The following ATP2B2 variants were observed in gnomAD, a reference collection of about 807,000 sequenced individuals.
ATP2B2 encodes plasma membrane calcium-transporting ATPase 2.
A neutral mutation model predicts 120.0 loss-of-function variants in ATP2B2; 15 were observed. That is an observed-to-expected ratio of 0.12 (90% CI 0.08 to 0.19). The LOEUF (loss-of-function observed/expected upper bound fraction) is 0.19, where lower values mean the gene tolerates loss of function less well. ATP2B2 is among the 10% of genes least tolerant of loss of function. The pLI is 1.00. For synonymous variants in ATP2B2, 694 were observed against 700.3 expected (o/e 0.99, Z 0.14); for missense variants, 1,045 against 1,719.8 (o/e 0.61, Z 6.94).
intron 10 of ATP2B2, among the ~76,000 whole-genome samples, chr3:10,377,467 G>A (rs971222538): frequency 3.3e-5 from 5 of 152,172 alleles, no homozygotes; most frequent in African/African-American, 4.8e-5. Context: ...ACAAAGGATC[G>A]AGCAGCCAGG....
chr3:10,569,331 C>T (rs2068074919), intron 2 of ATP2B2, among the ~76,000 whole-genome samples: 1 of 152,116 alleles, frequency 6.6e-6, no homozygotes, highest in Non-Finnish European at 1.5e-5. Flanking sequence ...AAGAATTAAC[C>T]CTATTTTGCA....
chr3:10,489,680 T>C (rs533331631), intron 1 of ATP2B2, among the ~76,000 whole-genome samples: 139 of 152,160 alleles, frequency 9.1e-4, no homozygotes, highest in Non-Finnish European at 1.7e-3. Context: ...CAAAGCCCTG[T>C]CAGCCCATCC....
intron 22 of ATP2B2, among the ~76,000 whole-genome samples, chr3:10,333,259 G>A (rs889072164): frequency 1.3e-5 from 2 of 152,186 alleles, no homozygotes; most frequent in Non-Finnish European, 2.9e-5. Flanking sequence ...AGGCACATGG[G>A]CAGCCTCCTC....
intron 1 of ATP2B2, among the ~76,000 whole-genome samples, chr3:10,497,628 C>T (rs2066206833): frequency 6.6e-6 from 1 of 152,188 alleles, no homozygotes. Context: ...GGGACTAAGG[C>T]ACAGAGAAAT....
chr3:10,626,853 G>A (rs1462596180), intron 1 of ATP2B2: 1 of 144,528 alleles, frequency 6.9e-6, no homozygotes, highest in Non-Finnish European at 1.5e-5. Flanking sequence ...TACCTTGATA[G>A]ACTGGTAGTG....
intron 1 of ATP2B2, among the ~76,000 whole-genome samples, chr3:10,667,595 G>C (rs1324404305): frequency 6.6e-6 from 1 of 152,216 alleles, no homozygotes; most frequent in Non-Finnish European, 1.5e-5. Flanking sequence ...CTTTCACAGG[G>C]ACCATTTCTG....
At chr3:10,522,066 G>A (rs2066994737) in intron 3 of ATP2B2, among the ~76,000 whole-genome samples, 1 of 152,140 alleles carries the variant, frequency 6.6e-6, no homozygotes, top group African/African-American at 2.4e-5. Context: ...AGACAAGGGG[G>A]ATTATGTGGG....
chr3:10,338,391 G>T, intron 21 of ATP2B2, 33 bp from the exon 22 acceptor site: 1 of 1,612,592 alleles, frequency 6.2e-7, no homozygotes, highest in Non-Finnish European at 8.5e-7. Flanking sequence ...GGACGGTGGG[G>T]CTGTCCTTCC....
At chr3:10,695,249 AGG>A (rs1300068748) in intron 1 of ATP2B2, among the ~76,000 whole-genome samples, 4 of 137,328 alleles carry the variant, frequency 2.9e-5, no homozygotes, top group Admixed American at 2.1e-4. Flanking sequence ...GGAGGGAGGG[AGG>A]GAGAGAGAGA....
At chr3:10,335,570 AC>A (rs1206839785) in intron 22 of ATP2B2, among the ~76,000 whole-genome samples, 1 of 152,032 alleles carries the variant, frequency 6.6e-6, no homozygotes, top group Non-Finnish European at 1.5e-5. Flanking sequence ...CCCCTGACCA[AC>A]TGGGAAAGTC....
chr3:10,626,904 ACACACACACACAC>A (rs1553641178), intron 1 of ATP2B2: 3 of 130,332 alleles, frequency 2.3e-5, no homozygotes, highest in South Asian at 3.0e-4. Context: ...ACACACACAC[ACACACACACACAC>A]TTTTCATTTA....
At chr3:10,406,804 C>G (rs192263873) in intron 3 of ATP2B2, among the ~76,000 whole-genome samples, 208 of 152,378 alleles carry the variant, frequency 1.4e-3, no homozygotes, top group Non-Finnish European at 1.9e-3. Context: ...TTGCCACTGA[C>G]CAGCCCTGTC....
intron 2 of ATP2B2, among the ~76,000 whole-genome samples, chr3:10,438,886 C>T (rs1229382220): frequency 2.0e-5 from 3 of 152,220 alleles, no homozygotes; most frequent in Admixed American, 2.0e-4. Context: ...GAAACTGAGA[C>T]CCAGGGAGGA....
chr3:10,363,377 C>T (rs11923545), intron 12 of ATP2B2, among the ~76,000 whole-genome samples: 1,747 of 152,268 alleles, frequency 0.011, 24 homozygotes, highest in African/African-American at 0.03. Flanking sequence ...TTTTGAGGGA[C>T]GGAGAACAGG....
At chr3:10,437,607 T>C (rs1477420052) in intron 2 of ATP2B2, among the ~76,000 whole-genome samples, 1 of 152,226 alleles carries the variant, frequency 6.6e-6, no homozygotes, top group Non-Finnish European at 1.5e-5. Flanking sequence ...TACAGTCCGC[T>C]TGCTGTCCTG....
At chr3:10,522,311 T>C (rs1430116073) in intron 3 of ATP2B2, among the ~76,000 whole-genome samples, 2 of 152,132 alleles carry the variant, frequency 1.3e-5, no homozygotes, top group African/African-American at 4.8e-5. Context: ...TAACCCCCTG[T>C]GTGAGGCTCA....
At chr3:10,498,455 C>T (rs370604841) in intron 1 of ATP2B2, among the ~76,000 whole-genome samples, 1 of 152,240 alleles carries the variant, frequency 6.6e-6, no homozygotes, top group East Asian at 1.9e-4. Flanking sequence ...AGCGTGGATG[C>T]CTCAGGCATG....
At chr3:10,542,791 A>G (rs894775454) in intron 2 of ATP2B2, among the ~76,000 whole-genome samples, 2 of 152,008 alleles carry the variant, frequency 1.3e-5, no homozygotes, top group African/African-American at 2.4e-5. Flanking sequence ...TTAGAAATGT[A>G]TTTTTTGTCT....
chr3:10,629,201 C>G (rs2125635732), intron 1 of ATP2B2, among the ~76,000 whole-genome samples: 1 of 152,274 alleles, frequency 6.6e-6, no homozygotes, highest in South Asian at 2.1e-4. Flanking sequence ...AGAAGGCACC[C>G]CTGCTTATGG....
Sources: gnomAD v4.1 joint callset for allele counts (sites outside exome capture counted in the v4.1 genomes callset) on GRCh38, gnomAD v4.1.1 for gene constraint, MANE v1.5 for transcripts, NCBI Gene and HGNC (gene_info 2026-07-23, HGNC 2026-07-21) for gene names.